Variants in CDK14 observed in about 807,000 individuals in gnomAD.
The protein encoded by CDK14 is cyclin-dependent kinase 14.
CDK14 carries 34 observed loss-of-function variants against 60.7 expected under a neutral mutation model. The observed-to-expected ratio is 0.56, with a 90% CI of 0.43 to 0.75. The LOEUF (loss-of-function observed/expected upper bound fraction) is 0.75. Ranked by LOEUF, CDK14 falls within the 30% of genes least tolerant of loss-of-function variation. The probability of loss-of-function intolerance (pLI) is 0.00; values close to 1 mark genes in which losing one functional copy is unlikely to be tolerated. For missense variants in CDK14, 482 were observed against 564.1 expected (o/e 0.85, Z 1.47); for synonymous variants, 197 against 203.7 (o/e 0.97, Z 0.28).
At chr7:90,629,323 T>G (rs962374334) in intron 2 of CDK14, among the ~76,000 whole-genome samples, 1 of 152,222 alleles carries the variant, frequency 6.6e-6, no homozygotes, top group African/African-American at 2.4e-5. Flanking sequence ...TATAGTATTT[T>G]GTATTGACAT....
At chr7:90,710,362 T>A in intron 2 of CDK14, 5 of 985,318 alleles carry the variant, frequency 5.1e-6, no homozygotes, top group Non-Finnish European at 6.0e-6. Flanking sequence ...GAATGCCCTC[T>A]GAGTCAAGCA....
intron 2 of CDK14, among the ~76,000 whole-genome samples, chr7:90,655,367 A>T (rs900255395): frequency 1.3e-5 from 2 of 152,120 alleles, no homozygotes; most frequent in Non-Finnish European, 2.9e-5. Context: ...GTGTCCCAGG[A>T]TTTAAGATGC....
intron 14 of CDK14, among the ~76,000 whole-genome samples, chr7:91,145,757 T>G (rs1487016795): frequency 2.6e-5 from 4 of 152,178 alleles, no homozygotes; most frequent in Non-Finnish European, 4.4e-5. Flanking sequence ...TATTAACTTG[T>G]TATGTATCTA....
At chr7:90,818,614 A>G (rs1789436761) in intron 5 of CDK14, among the ~76,000 whole-genome samples, 1 of 152,234 alleles carries the variant, frequency 6.6e-6, no homozygotes, top group South Asian at 2.1e-4. Context: ...AGATTTACTG[A>G]AACTATTAAA....
chr7:90,785,472 T>G (rs1044660449), intron 4 of CDK14, among the ~76,000 whole-genome samples: 3 of 152,128 alleles, frequency 2.0e-5, no homozygotes, highest in Non-Finnish European at 4.4e-5. Flanking sequence ...TTGCAGAACA[T>G]TAAATGAACA....
rs771100240 is a variant in CDK14 at position 90,984,131 on chromosome 7, C to A, written c.948-17C>A. 2 of 1,538,088 alleles carry A rather than the reference C, an allele frequency of 1.3e-6. No homozygotes were observed. Among genetic ancestry groups the A allele is most frequent in the Non-Finnish European group, 9.0e-7 (1 of 1,111,442 alleles). On this transcript the variant is annotated splice_polypyrimidine_tract_variant and intron_variant, in intron 9 of 14. Transcript: ENST00000380050. The stretch of plus-strand genomic sequence containing the variant: ...AATATATTGAAGTTTTGTAACGATT[C>A]TTTCTTCTCTCTCTAGGGGAGTAGG...
At chr7:90,782,947 T>C in intron 4 of CDK14, among the ~76,000 whole-genome samples, 1 of 152,106 alleles carries the variant, frequency 6.6e-6, no homozygotes, top group East Asian at 1.9e-4. Context: ...TCTTTTTGTC[T>C]CCTTGGGAGC....
intron 14 of CDK14, among the ~76,000 whole-genome samples, chr7:91,200,106 C>T (rs1471713036): frequency 1.3e-5 from 2 of 152,078 alleles, no homozygotes; most frequent in Non-Finnish European, 2.9e-5. Context: ...TAAAAGAAAA[C>T]CTGTATTTCT....
At chr7:90,983,747 C>CT (rs888520869) in intron 9 of CDK14, among the ~76,000 whole-genome samples, 2 of 151,522 alleles carry the variant, frequency 1.3e-5, no homozygotes, top group African/African-American at 4.9e-5. Context: ...GGCCATTATG[C>CT]TAAGTGAATT....
chr7:90,826,031 G>A (rs1789710678), intron 5 of CDK14, among the ~76,000 whole-genome samples: 1 of 152,198 alleles, frequency 6.6e-6, no homozygotes, highest in Admixed American at 6.5e-5. Flanking sequence ...GAGAAGTTGA[G>A]TAAGAATGCC....
At chr7:90,900,757 A>G (rs3802041) in intron 7 of CDK14, among the ~76,000 whole-genome samples, 9,427 of 152,218 alleles carry the variant, frequency 0.062, 409 homozygotes, top group South Asian at 0.093. Context: ...TTTCACATTC[A>G]GTGATACAAT....
At chr7:90,997,743 A>T (rs1795724844) in intron 10 of CDK14, among the ~76,000 whole-genome samples, 1 of 152,250 alleles carries the variant, frequency 6.6e-6, no homozygotes, top group Non-Finnish European at 1.5e-5. Flanking sequence ...TATTCATAAT[A>T]AAATGAAATA....
At chr7:91,003,605 A>G (rs1795901017) in intron 10 of CDK14, among the ~76,000 whole-genome samples, 1 of 152,102 alleles carries the variant, frequency 6.6e-6, no homozygotes, top group Non-Finnish European at 1.5e-5. Context: ...GCCATCATCT[A>G]CATAGTAGAA....
intron 5 of CDK14, among the ~76,000 whole-genome samples, chr7:90,831,580 C>G (rs544752305): frequency 6.6e-5 from 10 of 152,290 alleles, no homozygotes; most frequent in African/African-American, 2.2e-4. Flanking sequence ...TCCATCAGTA[C>G]ATTTAGTGGC....
intron 14 of CDK14, among the ~76,000 whole-genome samples, chr7:91,173,715 G>A (rs1459710117): frequency 6.6e-6 from 1 of 152,116 alleles, no homozygotes; most frequent in East Asian, 1.9e-4. Context: ...TGGAAAATCG[G>A]GTCACTCCCA....
chr7:90,632,502 C>A (rs932668721), intron 2 of CDK14: 1 of 166,644 alleles, frequency 6.0e-6, no homozygotes. Context: ...GGAATTTAAC[C>A]AGCATGGCTA....
chr7:90,709,323 T>G (rs1801975236), intron 2 of CDK14: 4 of 955,140 alleles, frequency 4.2e-6, no homozygotes, highest in Admixed American at 3.8e-5. Flanking sequence ...GATTATTATT[T>G]AATGGGGTTG....
Position 91,066,648 on chromosome 7 carries a change from G to T in CDK14, c.1106-12784G>T, listed in dbSNP as rs555050336. On this transcript the variant is annotated intron_variant, in intron 11 of 14. Transcript: ENST00000380050. ...TGTGGGTTAAAGTTTGCTTTGTAGT[G>T]CCTCAAGACATTTCAGGTGTAGCTT... 1.3e-4 allele frequency among the ~76,000 whole-genome samples: 20 copies of T among 152,282 alleles called. No individual in the cohort carries two copies. The South Asian group carries it at 4.1e-3, about 32-fold the overall frequency.
At chr7:91,010,346 G>T (rs2115808853) in intron 10 of CDK14, among the ~76,000 whole-genome samples, 1 of 152,144 alleles carries the variant, frequency 6.6e-6, no homozygotes, top group South Asian at 2.1e-4. Context: ...TTATAGATCA[G>T]TTTGGAGATA....
Sources: gnomAD v4.1 joint callset for allele counts (sites outside exome capture counted in the v4.1 genomes callset) on GRCh38, gnomAD v4.1.1 for gene constraint, MANE v1.5 for transcripts, NCBI Gene and HGNC (gene_info 2026-07-23, HGNC 2026-07-21) for gene names.